The following PRKN variants were observed in gnomAD, a reference collection of about 807,000 sequenced individuals.
The protein encoded by PRKN is parkin RBR E3 ubiquitin protein ligase, also known as E3 ubiquitin-protein ligase parkin.
A neutral mutation model predicts 59.5 loss-of-function variants in PRKN; 56 were observed. The ratio of observed to expected loss-of-function variants is 0.94; its 90% CI spans 0.76 to 1.18. The LOEUF (loss-of-function observed/expected upper bound fraction) is 1.18. Ranked by LOEUF, PRKN falls within the 50% of genes most tolerant of loss-of-function variation. PRKN has a pLI of 0.00. For missense variants in PRKN, 657 were observed against 596.4 expected, an observed-to-expected ratio of 1.10 and a Z score of -1.06; for synonymous variants, 250 against 222.1, an observed-to-expected ratio of 1.13 and a Z score of -1.12.
At chr6:162,265,842 T>C (rs1216602453) in intron 2 of PRKN, among the ~76,000 whole-genome samples, 4 of 152,144 alleles carry the variant, frequency 2.6e-5, no homozygotes, top group Non-Finnish European at 4.4e-5. Context: ...CGCTGACCTG[T>C]AGGCACATGA....
chr6:161,764,926 A>G (rs1789359678), intron 7 of PRKN, among the ~76,000 whole-genome samples: 1 of 152,238 alleles, frequency 6.6e-6, no homozygotes, highest in South Asian at 2.1e-4. Flanking sequence ...TTTAAAAAAA[A>G]GATTCCATTG....
chr6:162,457,447 T>C (rs1055900817), intron 1 of PRKN, among the ~76,000 whole-genome samples: 1 of 152,202 alleles, frequency 6.6e-6, no homozygotes, highest in Non-Finnish European at 1.5e-5. Flanking sequence ...ATACTGCAAC[T>C]ACTTAAACCT....
rs1176444416 is a variant in PRKN, at chr6:161,556,167, A to G, written c.934-7164T>C. Among the ~76,000 whole-genome samples, 5 of 152,218 alleles carry G rather than the reference A, an allele frequency of 3.3e-5. No individual in the cohort carries two copies. In the East Asian group the frequency reaches 9.6e-4, roughly 29 times the overall value. ...AATTATGTCCCCCTTTCCATTCATT[A>G]GCTAGGGAATTTATTAAAAATTATT... On this transcript the variant is annotated intron_variant, in intron 8 of 11. Coordinates refer to ENST00000366898, the MANE Select transcript of PRKN (RefSeq NM_004562.3).
In PRKN at chr6:161,550,433, G is replaced by A. The variant is rs766495453; in HGVS notation, c.934-1430C>T. Among the ~76,000 whole-genome samples, 11 of 152,208 alleles carry A rather than the reference G, an allele frequency of 7.2e-5. No individual in the cohort carries two copies. The highest frequency in any genetic ancestry group is 1.5e-4 in the Non-Finnish European group (10 of 68,048). Reference sequence around the variant, plus strand: ...ATACCCTCTGGAGGGCCAGGGTGTAGGCAGGAAGCAGAGAAGCTTATGTCA... The same window carrying A: ...ATACCCTCTGGAGGGCCAGGGTGTAAGCAGGAAGCAGAGAAGCTTATGTCA... On this transcript the variant is annotated intron_variant, in intron 8 of 11. Coordinates refer to ENST00000366898, the MANE Select transcript of PRKN (RefSeq NM_004562.3). This position sits in a 1 kb window ranked among gnomAD's most constrained non-coding sequence, Gnocchi z 4.0.
At chr6:161,511,313 C>T (rs1778380960) in intron 9 of PRKN, among the ~76,000 whole-genome samples, 2 of 152,066 alleles carry the variant, frequency 1.3e-5, no homozygotes, top group South Asian at 4.1e-4. Flanking sequence ...TAGATTGCTG[C>T]TACATATATA....
chr6:161,665,418 C>T (rs541819828), intron 7 of PRKN, among the ~76,000 whole-genome samples: 2 of 152,098 alleles, frequency 1.3e-5, no homozygotes, highest in African/African-American at 4.8e-5. Flanking sequence ...ATGACTATTG[C>T]ATAATGGTAG....
intron 6 of PRKN, among the ~76,000 whole-genome samples, chr6:161,814,086 G>A (rs866934724): frequency 2.6e-5 from 4 of 152,118 alleles, no homozygotes; most frequent in Admixed American, 1.3e-4. Context: ...TTGGTGATGC[G>A]ACGTTTTTTC....
chr6:162,253,349 A>G (rs1450977852), intron 3 of PRKN, among the ~76,000 whole-genome samples: 1 of 151,486 alleles, frequency 6.6e-6, no homozygotes, highest in Non-Finnish European at 1.5e-5. Flanking sequence ...CAATCATACA[A>G]CCCACTAAAT....
intron 1 of PRKN, among the ~76,000 whole-genome samples, chr6:162,571,709 G>A (rs1780336117): frequency 6.6e-6 from 1 of 152,188 alleles, no homozygotes; most frequent in African/African-American, 2.4e-5. Context: ...AGGTGCCTGA[G>A]CTGGCACTTC....
chr6:162,661,261 A>T (rs1446301077), intron 1 of PRKN, among the ~76,000 whole-genome samples: 1 of 148,614 alleles, frequency 6.7e-6, no homozygotes, highest in Non-Finnish European at 1.5e-5. Flanking sequence ...AACTCTGTCT[A>T]AAAAAAAAAG....
At chr6:162,552,753 T>A (rs1222426670) in intron 1 of PRKN, among the ~76,000 whole-genome samples, 2 of 151,902 alleles carry the variant, frequency 1.3e-5, no homozygotes, top group African/African-American at 4.8e-5. Context: ...TCTAAAGCCA[T>A]GGGAATATAA....
rs145811925 is a variant in PRKN at position 161,926,972 on chromosome 6, A to G, written c.734+46330T>C. Reference sequence around the variant, plus strand: ...TTAAAAGACAATAAGTTACATTTTGATAAACAAGGCTCAGATAAATGAGAA... The same window carrying G: ...TTAAAAGACAATAAGTTACATTTTGGTAAACAAGGCTCAGATAAATGAGAA... On this transcript the variant is annotated intron_variant, in intron 6 of 11. Transcript: ENST00000366898. Among the ~76,000 whole-genome samples the G allele has an allele frequency of 1.5e-3, 225 of 152,314 alleles. 1 individual carries two copies. Among genetic ancestry groups the G allele is most frequent in the African/African-American group, 5.2e-3 (218 of 41,572 alleles).
intron 7 of PRKN, among the ~76,000 whole-genome samples, chr6:161,626,887 G>C (rs1783111529): frequency 6.6e-6 from 1 of 151,078 alleles, no homozygotes; most frequent in South Asian, 2.1e-4. Flanking sequence ...CCACCACCCA[G>C]AGCAGTCCTG....
intron 1 of PRKN, among the ~76,000 whole-genome samples, chr6:162,502,909 A>G (rs138972123): frequency 1.5e-3 from 228 of 152,178 alleles, no homozygotes; most frequent in Middle Eastern, 3.4e-3. Context: ...ATTCTGTGTT[A>G]CATAATTTTA....
intron 1 of PRKN, among the ~76,000 whole-genome samples, chr6:162,499,769 T>C (rs1311023768): frequency 6.6e-6 from 1 of 152,200 alleles, no homozygotes; most frequent in Non-Finnish European, 1.5e-5. Context: ...CAGTTACAGT[T>C]GGCACTTAAA....
intron 1 of PRKN, among the ~76,000 whole-genome samples, chr6:162,703,771 A>C (rs1778241517): frequency 6.6e-6 from 1 of 152,198 alleles, no homozygotes; most frequent in Non-Finnish European, 1.5e-5. Context: ...GTCCACACAC[A>C]CACTGGTTGG....
intron 4 of PRKN, among the ~76,000 whole-genome samples, chr6:162,135,903 T>A (rs922443031): frequency 2.6e-5 from 4 of 152,022 alleles, no homozygotes; most frequent in Non-Finnish European, 5.9e-5. Context: ...AAGTAATATA[T>A]TTACATTCTA....
At chr6:162,563,219 G>A (rs149716678) in intron 1 of PRKN, among the ~76,000 whole-genome samples, 1,558 of 152,144 alleles carry the variant, frequency 0.01, 28 homozygotes, top group African/African-American at 0.036. Flanking sequence ...CAGGAGAATG[G>A]CGTGAACCCA....
At chr6:162,061,165 A>G (rs1778087217) in intron 4 of PRKN, among the ~76,000 whole-genome samples, 1 of 152,204 alleles carries the variant, frequency 6.6e-6, no homozygotes, top group Admixed American at 6.5e-5. Flanking sequence ...GCATGGACCC[A>G]TTCCAAACTT....
Sources: gnomAD v4.1 joint callset for allele counts (sites outside exome capture counted in the v4.1 genomes callset) on GRCh38, gnomAD v4.1.1 for gene constraint, Gnocchi (gnomAD v3.1) non-coding constraint, MANE v1.5 for transcripts, NCBI Gene and HGNC (gene_info 2026-07-23, HGNC 2026-07-21) for gene names.